The following TCF7L2 variants were observed in gnomAD, a reference collection of about 807,000 sequenced individuals.
TCF7L2 encodes the protein transcription factor 7-like 2.
Under a neutral mutation model 77.9 loss-of-function variants are expected in TCF7L2, and 23 were observed. That is an observed-to-expected ratio of 0.30 (90% CI 0.21 to 0.42). The LOEUF is 0.42. TCF7L2 is among the 10% of genes least tolerant of loss of function. The probability of loss-of-function intolerance (pLI) is 1.00; values close to 1 mark genes in which losing one functional copy is unlikely to be tolerated. For synonymous variants in TCF7L2, 413 were observed against 340.2 expected (o/e 1.21, Z -2.36); for missense variants, 654 against 793.1 (o/e 0.82, Z 2.11).
chr10:113,039,991 T>G, intron 4 of TCF7L2, 34 bp from the exon 5 acceptor site: 2 of 1,592,722 alleles, frequency 1.3e-6, no homozygotes, highest in Non-Finnish European at 1.7e-6. Context: ...CTGAATTCAT[T>G]GTTTTTCATT....
intron 5 of TCF7L2, among the ~76,000 whole-genome samples, chr10:113,080,054 A>G (rs952552354): frequency 6.6e-6 from 1 of 151,906 alleles, no homozygotes; most frequent in African/African-American, 2.4e-5. Flanking sequence ...ACACACATGC[A>G]CCACAGACAC....
rs1006725 is a variant in TCF7L2, at chr10:112,970,444, A to G, written c.450+5820A>G. Among the ~76,000 whole-genome samples the G allele has an allele frequency of 4.6e-3, 695 of 151,820 alleles. 14 individuals are homozygous for G. The highest frequency in any genetic ancestry group is 0.032 in the East Asian group (164 of 5,048). On this transcript the variant is annotated intron_variant, in intron 4 of 13. Transcript: ENST00000627217. ...GCCTGGGTGCTTTTTGGAGCCAAGG[A>G]GAGAAGAATACTAACTGGAGAGTGT...
At chr10:113,163,626 G>A (rs947450979) in intron 13 of TCF7L2, among the ~76,000 whole-genome samples, 1 of 152,058 alleles carries the variant, frequency 6.6e-6, no homozygotes, top group Non-Finnish European at 1.5e-5. Context: ...TGGTTTCTGG[G>A]ATGGAAGCAG....
chr10:113,132,675 T>G (rs2066780061), intron 5 of TCF7L2, among the ~76,000 whole-genome samples: 1 of 152,244 alleles, frequency 6.6e-6, no homozygotes, highest in Non-Finnish European at 1.5e-5. Context: ...TAGAAACAGC[T>G]GTACTCTCTT....
chr10:112,971,785 G>C (rs2134910957), intron 4 of TCF7L2, among the ~76,000 whole-genome samples: 1 of 149,970 alleles, frequency 6.7e-6, no homozygotes, highest in East Asian at 2.0e-4. Flanking sequence ...GCTAAGTTTT[G>C]TATTTTTAGT....
At chr10:113,124,300 A>G (rs1485246634) in intron 5 of TCF7L2, among the ~76,000 whole-genome samples, 1 of 152,174 alleles carries the variant, frequency 6.6e-6, no homozygotes, top group African/African-American at 2.4e-5. Flanking sequence ...CTAATTTAGA[A>G]TGTTCATCTA....
chr10:113,125,853 T>G (rs920997559), intron 5 of TCF7L2: 1 of 152,218 alleles, frequency 6.6e-6, no homozygotes, highest in Non-Finnish European at 1.5e-5. Flanking sequence ...AATAATACGA[T>G]CACAGTCCGC....
intron 5 of TCF7L2, among the ~76,000 whole-genome samples, chr10:113,049,821 G>A (rs1420855052): frequency 6.6e-6 from 1 of 152,184 alleles, no homozygotes; most frequent in Non-Finnish European, 1.5e-5. Context: ...GAGCCTAGAT[G>A]CCACTAAGCC....
At chr10:113,052,259 G>T (rs1385710484) in intron 5 of TCF7L2, among the ~76,000 whole-genome samples, 1 of 152,172 alleles carries the variant, frequency 6.6e-6, no homozygotes, top group Non-Finnish European at 1.5e-5. Flanking sequence ...GGAGCAGTGT[G>T]TTGAGAGAGA....
At chr10:113,156,642 A>AG (rs2071966716) in intron 11 of TCF7L2, among the ~76,000 whole-genome samples, 4 of 152,226 alleles carry the variant, frequency 2.6e-5, no homozygotes, top group Admixed American at 2.6e-4. Flanking sequence ...AATTCCCCCC[A>AG]GTCCCATTCC....
intron 5 of TCF7L2, among the ~76,000 whole-genome samples, chr10:113,131,324 C>T (rs934055236): frequency 1.3e-5 from 2 of 152,106 alleles, no homozygotes; most frequent in African/African-American, 4.8e-5. Context: ...TCTCGTTGAG[C>T]GTAAAATAAT....
At position 113,049,143 on chromosome 10, in the gene TCF7L2, G is replaced by T. The variant is rs12255372; in HGVS notation, c.552+9017G>T. 0.27 allele frequency among the ~76,000 whole-genome samples: 40,590 copies of T among 151,804 alleles called. 5,769 individuals carry two copies. The highest frequency in any genetic ancestry group is 0.33 in the Middle Eastern group (96 of 288). On this transcript the variant is annotated intron_variant, in intron 5 of 13. Transcript: ENST00000627217. ...TGCCCAGGAATATCCAGGCAAGAAT[G>T]ACCATATTCTGATAATTACTCAGGC...
intron 5 of TCF7L2, among the ~76,000 whole-genome samples, chr10:113,057,029 C>T (rs760263065): frequency 6.6e-6 from 1 of 152,218 alleles, no homozygotes; most frequent in African/African-American, 2.4e-5. Flanking sequence ...CCACTTATAA[C>T]AAATGAAGAT....
At chr10:113,135,956 T>C (rs1000846760) in intron 5 of TCF7L2, among the ~76,000 whole-genome samples, 1 of 151,860 alleles carries the variant, frequency 6.6e-6, no homozygotes, top group Non-Finnish European at 1.5e-5. Flanking sequence ...CTGATCTCAT[T>C]GGGTGCATCT....
intron 4 of TCF7L2, among the ~76,000 whole-genome samples, chr10:113,030,376 A>G (rs1024558303): frequency 1.3e-5 from 2 of 152,200 alleles, no homozygotes; most frequent in Non-Finnish European, 1.5e-5. Context: ...TGACACCCAC[A>G]TTCATTCCTG....
intron 4 of TCF7L2, among the ~76,000 whole-genome samples, chr10:112,995,840 T>C (rs564454951): frequency 5.3e-5 from 8 of 152,172 alleles, no homozygotes; most frequent in Non-Finnish European, 1.2e-4. Context: ...CCATCCCTGA[T>C]GAGGGTAGGG....
chr10:113,152,254 C>T (rs1220122178), intron 10 of TCF7L2, 79 bp from the exon 11 acceptor site: 4 of 1,263,190 alleles, frequency 3.2e-6, no homozygotes, highest in Non-Finnish European at 4.7e-6. Context: ...ATCCCCTGAC[C>T]TTGGCGTAAT....
chr10:113,060,159 CAA>C (rs1016520164), intron 5 of TCF7L2, among the ~76,000 whole-genome samples: 2 of 152,158 alleles, frequency 1.3e-5, no homozygotes. Flanking sequence ...TTTTAAAAAA[CAA>C]AATGTATTTG....
intron 5 of TCF7L2, among the ~76,000 whole-genome samples, chr10:113,059,821 C>CA (rs2056126724): frequency 6.6e-6 from 1 of 152,156 alleles, no homozygotes; most frequent in Non-Finnish European, 1.5e-5. Flanking sequence ...AACTATTAAA[C>CA]ATGTCAGTAA....
Sources: gnomAD v4.1 joint callset for allele counts (sites outside exome capture counted in the v4.1 genomes callset) on GRCh38, gnomAD v4.1.1 for gene constraint, MANE v1.5 for transcripts, NCBI Gene and HGNC (gene_info 2026-07-23, HGNC 2026-07-21) for gene names.